Variants in PLAGL1 observed in about 807,000 individuals in gnomAD.
The protein encoded by PLAGL1 is PLAG1 like zinc finger 1.
PLAGL1 carries 1 observed loss-of-function variant against 4.6 expected under a neutral mutation model. The ratio of observed to expected loss-of-function variants is 0.22; its 90% CI spans 0.08 to 1.03. PLAGL1 has a LOEUF of 1.03. Ranked by LOEUF, PLAGL1 falls within the 50% of genes least tolerant of loss-of-function variation. PLAGL1 has a pLI of 0.58. For synonymous variants in PLAGL1, 240 were observed against 237.8 expected (o/e 1.01, Z -0.08); for missense variants, 464 against 570.4 (o/e 0.81, Z 1.90).
rs1264034393 is a variant in PLAGL1 at position 144,053,477 on chromosome 6, CT to C, written c.-151+10990del. Among the ~76,000 whole-genome samples the C allele has an allele frequency of 6.6e-6, 1 of 152,172 alleles. No homozygotes were observed. Among genetic ancestry groups the C allele is most frequent in the Non-Finnish European group, 1.5e-5 (1 of 68,026 alleles). On this transcript the variant is annotated intron_variant, in intron 1 of 3. Transcript: ENST00000437412. This position sits in a 1 kb window ranked among gnomAD's most constrained non-coding sequence, Gnocchi z 4.0. ...TGAGTAGTTCATTCAAGTATAACAT[CT>C]TGCTACCACCTATGAGGGATACAAA... is the stretch of plus-strand genomic sequence containing the variant.
At chr6:144,047,334 G>A (rs1583871761) in intron 1 of PLAGL1, among the ~76,000 whole-genome samples, 1 of 152,148 alleles carries the variant, frequency 6.6e-6, no homozygotes, top group South Asian at 2.1e-4. Flanking sequence ...TCTTGGAGCG[G>A]ACCATTATTC....
intron 1 of PLAGL1, among the ~76,000 whole-genome samples, chr6:144,014,713 C>T (rs540469252): frequency 6.6e-6 from 1 of 151,970 alleles, no homozygotes; most frequent in African/African-American, 2.4e-5. Flanking sequence ...CAGAATAGCT[C>T]GGACTACAGA....
chr6:144,042,911 C>T (rs773294570), intron 1 of PLAGL1, among the ~76,000 whole-genome samples: 2 of 151,986 alleles, frequency 1.3e-5, no homozygotes, highest in Non-Finnish European at 2.9e-5. Flanking sequence ...GTTGGATTCC[C>T]AGGTATTTTA....
chr6:144,030,785 T>C (rs1796763537), intron 1 of PLAGL1, among the ~76,000 whole-genome samples: 1 of 152,248 alleles, frequency 6.6e-6, no homozygotes, highest in South Asian at 2.1e-4. Context: ...TTTGCAATTG[T>C]GCTGCTATAA....
rs532142718 is a variant in PLAGL1, at chr6:143,995,295, T to A, written c.-583-10121A>T. Among the ~76,000 whole-genome samples, 1 of 152,246 alleles carries A rather than the reference T, an allele frequency of 6.6e-6. No homozygotes were observed. Among genetic ancestry groups the A allele is most frequent in the Non-Finnish European group, 1.5e-5 (1 of 68,038 alleles). ...ACTTCAGTATTATGCAGATTATTTG[T>A]ATGCACGTATCAAGCTACCCTTTTC... On this transcript the variant is annotated intron_variant, in intron 1 of 7. Coordinates refer to ENST00000674357, the MANE Select transcript of PLAGL1 (RefSeq NM_001317162.2). The surrounding 1 kb of genome is among the most constrained non-coding windows in gnomAD (Gnocchi z 4.4).
At chr6:144,021,497 T>G (rs1228840882) in intron 1 of PLAGL1, among the ~76,000 whole-genome samples, 1 of 152,184 alleles carries the variant, frequency 6.6e-6, no homozygotes, top group African/African-American at 2.4e-5. Flanking sequence ...TTTATAGAAA[T>G]GAGACCTGCT....
At chr6:143,974,730 A>G (rs1034749301) in intron 2 of PLAGL1, among the ~76,000 whole-genome samples, 2 of 152,230 alleles carry the variant, frequency 1.3e-5, no homozygotes, top group African/African-American at 4.8e-5. Context: ...TCCTTGACGC[A>G]GTACTATGAA....
chr6:144,025,267 T>C (rs1205815776), intron 1 of PLAGL1, among the ~76,000 whole-genome samples: 2 of 152,112 alleles, frequency 1.3e-5, no homozygotes. Flanking sequence ...TCTTGAAAAC[T>C]ATAAGGGTCA....
At chr6:144,060,276 T>G (rs1166602111) in intron 1 of PLAGL1, among the ~76,000 whole-genome samples, 3 of 152,150 alleles carry the variant, frequency 2.0e-5, no homozygotes, top group African/African-American at 7.2e-5. Flanking sequence ...CTCAAACTCT[T>G]GGGCTCAAGC....
chr6:143,962,204 T>C lies in PLAGL1; in HGVS notation c.-398-1662A>G, dbSNP rs573681501. Among the ~76,000 whole-genome samples, 1 of 152,232 alleles carries C rather than the reference T, an allele frequency of 6.6e-6. No homozygotes were observed. The highest frequency in any genetic ancestry group is 2.4e-5 in the African/African-American group (1 of 41,528). On this transcript the variant is annotated intron_variant, in intron 5 of 7. Coordinates refer to ENST00000674357, the MANE Select transcript of PLAGL1 (RefSeq NM_001317162.2). The surrounding 1 kb of genome is among the most constrained non-coding windows in gnomAD (Gnocchi z 5.3). ...GGTCTGGGGGGAAAATCATGTGCAG[T>C]ATATGACGATTTAATAAAGCAGAGA...
At chr6:143,980,975 AT>A (rs1210393420) in intron 2 of PLAGL1, among the ~76,000 whole-genome samples, 2 of 152,222 alleles carry the variant, frequency 1.3e-5, no homozygotes, top group African/African-American at 4.8e-5. Flanking sequence ...ATGTAAATAC[AT>A]TTGCTTACAA....
rs1281122370 is a variant in PLAGL1, at chr6:144,050,613, G to C, written c.-151+13855C>G. On this transcript the variant is annotated intron_variant, in intron 1 of 3. Transcript: ENST00000437412. This position sits in a 1 kb window ranked among gnomAD's most constrained non-coding sequence, Gnocchi z 4.3. ...GATATTTATACACATCTCTGTGTCA[G>C]GTGCAGTGGCTCATGTCTATAATCC... is the stretch of plus-strand genomic sequence containing the variant. Among the ~76,000 whole-genome samples the C allele has an allele frequency of 6.6e-6, 1 of 152,166 alleles. No individual in the cohort carries two copies. The highest frequency in any genetic ancestry group is 2.4e-5 in the African/African-American group (1 of 41,436).
Position 143,952,356 on chromosome 6 carries a change from G to GCA in PLAGL1, c.-324-3898_-324-3897dup, listed in dbSNP as rs777609574. The stretch of plus-strand genomic sequence containing the variant: ...TGTTCTGTGACTTGACATAGAAATT[G>GCA]CATTTGAGTCTTAAATACGGTGCTA... On this transcript the variant is annotated intron_variant, in intron 6 of 7. Coordinates refer to ENST00000674357, the MANE Select transcript of PLAGL1 (RefSeq NM_001317162.2). This position sits in a 1 kb window ranked among gnomAD's most constrained non-coding sequence, Gnocchi z 6.1. Among the ~76,000 whole-genome samples the GCA allele has an allele frequency of 5.9e-5, 9 of 152,304 alleles. No homozygotes were observed. The South Asian group carries it at 1.9e-3, about 32-fold the overall frequency.
At chr6:143,976,754 C>T (rs753096180) in intron 2 of PLAGL1, among the ~76,000 whole-genome samples, 1 of 152,044 alleles carries the variant, frequency 6.6e-6, no homozygotes, top group Non-Finnish European at 1.5e-5. Flanking sequence ...AAGTAACCAC[C>T]CCTAATTCTA....
chr6:144,026,743 T>C (rs1796370075), intron 1 of PLAGL1, among the ~76,000 whole-genome samples: 1 of 152,226 alleles, frequency 6.6e-6, no homozygotes, highest in Admixed American at 6.5e-5. Flanking sequence ...ACAGTACTGC[T>C]CAAGATCTGT....
Position 144,036,340 on chromosome 6 carries a change from G to C in PLAGL1, c.-151+28128C>G, listed in dbSNP as rs1797239991. Among the ~76,000 whole-genome samples the C allele has an allele frequency of 6.6e-6, 1 of 152,188 alleles. No homozygotes were observed. On this transcript the variant is annotated intron_variant, in intron 1 of 3. Coordinates refer to the PLAGL1 transcript ENST00000437412. The surrounding 1 kb of genome is among the most constrained non-coding windows in gnomAD (Gnocchi z 5.1). ...CTGTGAAATACACAGACTTTGTGCA[G>C]AGAAGTGGTGCAAGTGTGCAATGCT...
At chr6:143,967,761 T>C (rs1784675167) in intron 3 of PLAGL1, 1 of 152,036 alleles carries the variant, frequency 6.6e-6, no homozygotes, top group East Asian at 1.9e-4. Flanking sequence ...TTAGAATCGT[T>C]TGGAGAACAG....
rs555172429 is a variant in PLAGL1, at chr6:143,961,730, T to G, written c.-398-1188A>C. 1.6e-4 allele frequency among the ~76,000 whole-genome samples: 25 copies of G among 152,326 alleles called. No homozygotes were observed. In the South Asian group the frequency reaches 4.6e-3, roughly 28 times the overall value. On this transcript the variant is annotated intron_variant, in intron 5 of 7. Transcript: ENST00000674357. The surrounding 1 kb of genome is among the most constrained non-coding windows in gnomAD (Gnocchi z 6.5). ...ATTGGGTGGTCTCCAAAGGCTTGTA[T>G]AAAATTTTTTTTGAAAGAGCTTTAA...
At position 143,997,347 on chromosome 6, in the gene PLAGL1, G is replaced by A. The variant is rs1791864017; in HGVS notation, c.-584+10743C>T. Among the ~76,000 whole-genome samples, 1 of 152,112 alleles carries A rather than the reference G, an allele frequency of 6.6e-6. No individual in the cohort carries two copies. Among genetic ancestry groups the A allele is most frequent in the Admixed American group, 6.5e-5 (1 of 15,272 alleles). On this transcript the variant is annotated intron_variant, in intron 1 of 7. Transcript: ENST00000674357. This position sits in a 1 kb window ranked among gnomAD's most constrained non-coding sequence, Gnocchi z 4.6. ...ACTTGTGAATGAGTATTCACAGCAG[G>A]TCTATTTGTAAGAACCCAAACTAGA... is the stretch of plus-strand genomic sequence containing the variant.
Sources: gnomAD v4.1 joint callset for allele counts (sites outside exome capture counted in the v4.1 genomes callset) on GRCh38, gnomAD v4.1.1 for gene constraint, Gnocchi (gnomAD v3.1) non-coding constraint, MANE v1.5 for transcripts, NCBI Gene and HGNC (gene_info 2026-07-23, HGNC 2026-07-21) for gene names.